Variants in TEAD2 observed in about 807,000 individuals in gnomAD.
TEAD2 encodes the protein TEA domain transcription factor 2.
A neutral mutation model predicts 61.4 loss-of-function variants in TEAD2; 51 were observed. That is an observed-to-expected ratio of 0.83 (90% CI 0.66 to 1.05). TEAD2 has a LOEUF of 1.05. TEAD2 is among the 50% of genes least tolerant of loss of function. The probability of loss-of-function intolerance (pLI) is 0.00; values close to 1 mark genes in which losing one functional copy is unlikely to be tolerated. For missense variants in TEAD2, 509 were observed against 600.0 expected (o/e 0.85, Z 1.58); for synonymous variants, 244 against 243.2 (o/e 1.00, Z -0.03).
At chr19:49,360,666 A>G (rs67213703) in intron 1 of TEAD2, among the ~76,000 whole-genome samples, 38,705 of 150,778 alleles carry the variant, frequency 0.26, 5,177 homozygotes, top group African/African-American at 0.31. Flanking sequence ...ACAGGTGGTA[A>G]GATGTGAGCA....
At position 49,351,287 on chromosome 19, in the gene TEAD2, G is replaced by A. The variant is rs1972006754; in HGVS notation, c.604+14C>T. 6.2e-7 allele frequency: 1 copy of A among 1,609,376 alleles called. No individual in the cohort carries two copies. Among genetic ancestry groups the A allele is most frequent in the Non-Finnish European group, 8.5e-7 (1 of 1,178,152 alleles). Reference sequence around the variant, plus strand: ...GAGAGGGGAGACAAGGGAGGGTGGAGCGCAGGCTCTTACCTGGGAGGTCAG... The same window carrying A: ...GAGAGGGGAGACAAGGGAGGGTGGAACGCAGGCTCTTACCTGGGAGGTCAG... On this transcript the variant is annotated intron_variant, in intron 8 of 12. Transcript: ENST00000593945.
intron 4 of TEAD2, 152 bp downstream of exon 4, chr19:49,357,100 C>T: frequency 1.4e-6 from 1 of 708,202 alleles, no homozygotes; most frequent in Admixed American, 2.4e-5. Context: ...CCCCCTCTCC[C>T]TGGGTCTCTG....
Position 49,351,371 on chromosome 19 carries a change from G to A in TEAD2, c.540-6C>T. The A allele has an allele frequency of 6.2e-7, 1 of 1,607,672 alleles. No individual in the cohort carries two copies. The highest frequency in any genetic ancestry group is 8.5e-7 in the Non-Finnish European group (1 of 1,177,802). On this transcript the variant is annotated splice_region_variant and splice_polypyrimidine_tract_variant and intron_variant, in intron 7 of 12. Coordinates refer to ENST00000593945, the MANE Select transcript of TEAD2 (RefSeq NM_001256660.2). ...TCTGTGAGAATGGCTTCACACTGAG[G>A]GAAAAAGGAAGCCAGGGGTTAGCCA...
rs993841208 is a variant in TEAD2, at chr19:49,357,349, C to T, written c.298-35G>A. On this transcript the variant is annotated intron_variant, in intron 3 of 12. Coordinates refer to ENST00000593945, the MANE Select transcript of TEAD2 (RefSeq NM_001256660.2). The stretch of plus-strand genomic sequence containing the variant: ...TCAACGGAGAAGCAGATTCAGGCCA[C>T]AGCCACCGCCCCTGTGTTCACTACC... The T allele has an allele frequency of 3.7e-6, 6 of 1,607,050 alleles. No homozygotes were observed. In the African/African-American group the frequency reaches 6.7e-5, roughly 18 times the overall value.
Position 49,341,640 on chromosome 19 carries a change from G to A in TEAD2, c.1243-203C>T, listed in dbSNP as rs982592923. Among the ~76,000 whole-genome samples the A allele has an allele frequency of 2.0e-4, 30 of 152,136 alleles. No individual in the cohort carries two copies. The highest frequency in any genetic ancestry group is 6.5e-4 in the African/African-American group (27 of 41,422). ...AATGGGGGTTACCCCTCAGCTGAGC[G>A]TTGGCAGTTATGGTGTATCACATCT... On this transcript the variant is annotated intron_variant, in intron 12 of 12. Transcript: ENST00000593945. This position sits in a 1 kb window ranked among gnomAD's most constrained non-coding sequence, Gnocchi z 4.2.
At chr19:49,353,783 T>A (rs1259855850) in intron 7 of TEAD2, among the ~76,000 whole-genome samples, 5 of 147,578 alleles carry the variant, frequency 3.4e-5, no homozygotes, top group Admixed American at 6.8e-5. Flanking sequence ...GTCACTGCAC[T>A]CTTTTTTTTT....
intron 9 of TEAD2, among the ~76,000 whole-genome samples, chr19:49,348,383 A>G (rs7246945): frequency 0.028 from 4,281 of 152,300 alleles, 197 homozygotes; most frequent in African/African-American, 0.092. Context: ...CACGTTTGAT[A>G]AATGAATGAA....
intron 8 of TEAD2, among the ~76,000 whole-genome samples, chr19:49,349,512 G>A (rs1971873157): frequency 6.6e-6 from 1 of 151,812 alleles, no homozygotes; most frequent in African/African-American, 2.4e-5. Context: ...GGGGCCTGAT[G>A]GGAAGTGCTT....
chr19:49,349,666 T>G (rs1474301665), intron 8 of TEAD2, among the ~76,000 whole-genome samples: 2 of 152,136 alleles, frequency 1.3e-5, no homozygotes, highest in African/African-American at 4.8e-5. Context: ...TGTGACATAG[T>G]GGCTCCCCTT....
intron 3 of TEAD2, 113 bp from the exon 4 acceptor site, chr19:49,357,427 AAC>A: frequency 1.8e-6 from 2 of 1,122,418 alleles, no homozygotes; most frequent in African/African-American, 1.5e-5. Flanking sequence ...AAAGGTGAAA[AAC>A]ACACTGAAGA....
chr19:49,343,957 C>A (rs577912953), intron 10 of TEAD2, among the ~76,000 whole-genome samples: 2 of 151,768 alleles, frequency 1.3e-5, no homozygotes, highest in African/African-American at 4.8e-5. Context: ...GTGATCCTCC[C>A]ATCTCAGCCT....
Position 49,355,145 on chromosome 19 carries a change from C to T in TEAD2, c.539+3G>A. 1 of 1,606,900 alleles carries T rather than the reference C, an allele frequency of 6.2e-7. No individual in the cohort carries two copies. The highest frequency in any genetic ancestry group is 1.1e-5 in the South Asian group (1 of 89,978). ...GTGCTGAGCCAGGACACATAGTACT[C>T]ACTCTGGAACATTCCAGGGGGGCCC... On this transcript the variant is annotated splice_donor_region_variant and intron_variant, in intron 7 of 12. Transcript: ENST00000593945.
chr19:49,349,453 ACT>A lies in TEAD2; in HGVS notation c.605-610_605-609del, dbSNP rs767212899. 4.5e-3 allele frequency among the ~76,000 whole-genome samples: 665 copies of A among 146,486 alleles called. 4 individuals carry two copies. The highest frequency in any genetic ancestry group is 7.9e-3 in the Non-Finnish European group (526 of 66,748). On this transcript the variant is annotated intron_variant, in intron 8 of 12. Coordinates refer to ENST00000593945, the MANE Select transcript of TEAD2 (RefSeq NM_001256660.2). Reference sequence around the variant, plus strand: ...ACTCCAGACTGGGGGACAGAGCGAGACTCTGTCTCAAAAAAAAAAAAAAAAGT... The same window carrying A: ...ACTCCAGACTGGGGGACAGAGCGAGACTGTCTCAAAAAAAAAAAAAAAAGT...
intron 9 of TEAD2, among the ~76,000 whole-genome samples, chr19:49,348,493 CTGCATCAA>C: frequency 1.2e-5 from 1 of 80,782 alleles, no homozygotes; most frequent in Middle Eastern, 8.1e-3. Context: ...CCCAGACCAG[CTGCATCAA>C]CGCACCTGGT....
Position 49,341,338 on chromosome 19 carries a change from G to A in TEAD2, c.1342C>T (p.Leu448=). Residue 448 remains leucine (L), a synonymous_variant, in exon 13 of 13, where the codon CTG becomes TTG. Coordinates refer to ENST00000593945, the MANE Select transcript of TEAD2 (RefSeq NM_001256660.2). This position sits in a 1 kb window ranked among gnomAD's most constrained non-coding sequence, Gnocchi z 4.2. Reference sequence around the variant, plus strand: ...GGGGTCCCCCTTCAGTCCCTGACCAGGCGGTAAATGTGATGCTGGGCCCCA... The same window carrying A: ...GGGGTCCCCCTTCAGTCCCTGACCAAGCGGTAAATGTGATGCTGGGCCCCA... ...ERGAQHHIYR[L]VRD 6.2e-7 allele frequency: 1 copy of A among 1,613,960 alleles called. No individual in the cohort carries two copies.
intron 7 of TEAD2, among the ~76,000 whole-genome samples, chr19:49,353,662 C>T (rs1377688367): frequency 6.6e-6 from 1 of 152,010 alleles, no homozygotes; most frequent in African/African-American, 2.4e-5. Context: ...AAGCAACCCC[C>T]CTGCAAAACC....
intron 9 of TEAD2, among the ~76,000 whole-genome samples, chr19:49,348,361 T>C (rs865954526): frequency 2.0e-5 from 3 of 152,144 alleles, no homozygotes; most frequent in Admixed American, 6.5e-5. Flanking sequence ...TAGTGAACAG[T>C]AGAAACTCAA....
chr19:49,349,069 A>G (rs1971836718), intron 8 of TEAD2: 4 of 457,514 alleles, frequency 8.7e-6, no homozygotes, highest in Middle Eastern at 1.2e-3. Flanking sequence ...CCTGAATGAA[A>G]AAGACAGAAC....
At chr19:49,354,871 G>A (rs1403885670) in intron 7 of TEAD2, among the ~76,000 whole-genome samples, 4 of 152,044 alleles carry the variant, frequency 2.6e-5, no homozygotes, top group Non-Finnish European at 1.5e-5. Context: ...AGAGGCAGGC[G>A]CCTATAGTCC....
Sources: allele counts gnomAD v4.1 joint callset (sites outside exome capture counted in the v4.1 genomes callset), GRCh38; gene constraint gnomAD v4.1.1; non-coding constraint Gnocchi (gnomAD v3.1); transcripts MANE v1.5; gene names NCBI Gene and HGNC (gene_info 2026-07-23, HGNC 2026-07-21).